The following LRBA variants were observed in gnomAD, a reference collection of about 807,000 sequenced individuals.
The protein encoded by LRBA is LPS responsive beige-like anchor protein, also known as lipopolysaccharide-responsive and beige-like anchor protein.
A neutral mutation model predicts 330.0 loss-of-function variants in LRBA; 176 were observed. The observed-to-expected ratio is 0.53, with a 90% CI of 0.47 to 0.60. The LOEUF (loss-of-function observed/expected upper bound fraction) is 0.60, where lower values mean the gene tolerates loss of function less well. LRBA is among the 20% of genes least tolerant of loss of function. LRBA has a pLI of 0.00. For missense variants in LRBA, 3,259 were observed against 3,444.8 expected (o/e 0.95, Z 1.35); for synonymous variants, 1,230 against 1,193.0 (o/e 1.03, Z -0.64).
At chr4:150,423,382 G>A (rs1297753530) in intron 46 of LRBA, 2 of 648,930 alleles carry the variant, frequency 3.1e-6, no homozygotes, top group Admixed American at 2.4e-5. Context: ...TCCCGGGCCT[G>A]CTTTGAGTCC....
chr4:150,644,531 T>C (rs1007763343), intron 37 of LRBA, among the ~76,000 whole-genome samples: 2 of 151,864 alleles, frequency 1.3e-5, no homozygotes, highest in Admixed American at 6.6e-5. Context: ...GTGAAAACAG[T>C]TGCTTAAGGA....
chr4:150,468,903 T>C (rs1333478040), intron 43 of LRBA, among the ~76,000 whole-genome samples: 5 of 152,034 alleles, frequency 3.3e-5, no homozygotes, highest in African/African-American at 9.7e-5. Flanking sequence ...AGTTCATTTT[T>C]GGCTGACCTG....
chr4:150,729,182 G>C (rs1730116365), intron 36 of LRBA, among the ~76,000 whole-genome samples: 1 of 152,122 alleles, frequency 6.6e-6, no homozygotes, highest in African/African-American at 2.4e-5. Flanking sequence ...GCCGGACATA[G>C]TGGCACATGC....
At chr4:150,369,615 T>C (rs914241635) in intron 47 of LRBA, among the ~76,000 whole-genome samples, 7 of 152,088 alleles carry the variant, frequency 4.6e-5, no homozygotes, top group African/African-American at 1.7e-4. Flanking sequence ...AAAATAATTA[T>C]AACAAAATGC....
intron 37 of LRBA, among the ~76,000 whole-genome samples, chr4:150,628,360 G>T (rs561455443): frequency 4.0e-4 from 61 of 152,196 alleles, no homozygotes; most frequent in African/African-American, 1.2e-3. Flanking sequence ...TGGTTTTCTT[G>T]TTATTTGAGC....
chr4:150,443,989 AT>A (rs1752250068), intron 44 of LRBA, among the ~76,000 whole-genome samples: 1 of 149,706 alleles, frequency 6.7e-6, no homozygotes. Flanking sequence ...GAATCCTTTC[AT>A]GGGAGCTTTA....
intron 35 of LRBA, among the ~76,000 whole-genome samples, chr4:150,748,425 T>G (rs969249907): frequency 6.6e-6 from 1 of 152,052 alleles, no homozygotes; most frequent in Non-Finnish European, 1.5e-5. Flanking sequence ...TCCCAACACT[T>G]TGGGAGGCCA....
intron 28 of LRBA, among the ~76,000 whole-genome samples, chr4:150,839,151 TG>T (rs1204100115): frequency 6.6e-6 from 1 of 152,206 alleles, no homozygotes; most frequent in Admixed American, 6.6e-5. Context: ...TCATCATCAC[TG>T]GCCATCAGAG....
At chr4:150,897,963 C>G (rs894319172) in intron 14 of LRBA, 145 bp from the exon 15 acceptor site, 1 of 608,262 alleles carries the variant, frequency 1.6e-6, no homozygotes. Flanking sequence ...TTTTATGCCT[C>G]TAGAAAGACA....
chr4:150,419,638 T>C (rs1401147029), intron 46 of LRBA, among the ~76,000 whole-genome samples: 1 of 144,740 alleles, frequency 6.9e-6, no homozygotes. Flanking sequence ...AATATCTTTT[T>C]TTTTTTTTTT....
intron 48 of LRBA, among the ~76,000 whole-genome samples, chr4:150,345,677 G>A (rs1736187878): frequency 1.3e-5 from 2 of 152,118 alleles, no homozygotes; most frequent in South Asian, 4.1e-4. Flanking sequence ...GTAGGCATCA[G>A]GGCCATGACT....
intron 56 of LRBA, among the ~76,000 whole-genome samples, chr4:150,275,105 G>C (rs1746588343): frequency 6.6e-6 from 1 of 152,110 alleles, no homozygotes; most frequent in Non-Finnish European, 1.5e-5. Context: ...TTCATCCCTA[G>C]GATGCAAGGC....
chr4:150,962,952 T>C (rs1214233542), intron 2 of LRBA, among the ~76,000 whole-genome samples: 2 of 145,994 alleles, frequency 1.4e-5, no homozygotes, highest in Non-Finnish European at 3.0e-5. Flanking sequence ...AGACTCTGTC[T>C]GAAAAAAATA....
Position 150,269,850 on chromosome 4 carries a change from G to A in LRBA, c.8469-4038C>T, listed in dbSNP as rs58682322. Among the ~76,000 whole-genome samples, 174 of 152,170 alleles carry A rather than the reference G, an allele frequency of 1.1e-3. 2 individuals carry two copies. In the East Asian group the frequency reaches 0.025, roughly 22 times the overall value. On this transcript the variant is annotated intron_variant, in intron 56 of 56. Transcript: ENST00000651943. Reference sequence around the variant, plus strand: ...GTACCAGCTACCATGTAGCTGAGGCGGGAGAATCATTTGAGCCCAGGAGGT... The same window carrying A: ...GTACCAGCTACCATGTAGCTGAGGCAGGAGAATCATTTGAGCCCAGGAGGT...
At chr4:150,315,279 C>G in intron 51 of LRBA, 2 of 490,236 alleles carry the variant, frequency 4.1e-6, no homozygotes, top group Non-Finnish European at 7.3e-6. Context: ...CAATATTATC[C>G]TGACAGTACT....
rs1750308023 is a variant in LRBA at position 150,849,332 on chromosome 4, C to A, written c.4158+90G>T. ...TTTTTTATTTATAGCACCTACGATG[C>A]ATAGTAACCACCACATTTAAGTTTT... is the stretch of plus-strand genomic sequence containing the variant. On this transcript the variant is annotated intron_variant, in intron 25 of 56. Transcript: ENST00000651943. 2.9e-5 allele frequency: 32 copies of A among 1,119,070 alleles called. 1 individual carries two copies. In the South Asian group the frequency reaches 4.4e-4, roughly 15 times the overall value. The allele number at this position is 1,119,070 out of a possible 1,614,324, so 69.3% of individuals were successfully genotyped here.
chr4:150,841,087 TTATAAA>T, intron 28 of LRBA: 1 of 620,828 alleles, frequency 1.6e-6, no homozygotes, highest in Non-Finnish European at 2.4e-6. Context: ...TTTGTCTTTT[TTATAAA>T]CCACCCCTTT....
intron 37 of LRBA, among the ~76,000 whole-genome samples, chr4:150,658,919 G>C (rs1334354049): frequency 5.2e-5 from 2 of 38,430 alleles, no homozygotes; most frequent in African/African-American, 8.3e-5. Flanking sequence ...GGGTTTCGCT[G>C]TGTTGGCCGG....
chr4:150,628,947 G>A (rs1055035650), intron 37 of LRBA, among the ~76,000 whole-genome samples: 21 of 152,280 alleles, frequency 1.4e-4, no homozygotes, highest in African/African-American at 4.8e-4. Flanking sequence ...ACCCAAGCTT[G>A]ACTGTAGTGG....
Sources: allele counts gnomAD v4.1 joint callset (sites outside exome capture counted in the v4.1 genomes callset), GRCh38; gene constraint gnomAD v4.1.1; transcripts MANE v1.5; gene names NCBI Gene and HGNC (gene_info 2026-07-23, HGNC 2026-07-21).